CSMD1: variants seen among roughly 807,000 people sequenced by gnomAD.
CSMD1 encodes CUB and sushi domain-containing protein 1.
Under a neutral mutation model 417.5 loss-of-function variants are expected in CSMD1, and 213 were observed. That is an observed-to-expected ratio of 0.51 (90% CI 0.46 to 0.57). The LOEUF is 0.57. Among genes scored for constraint, CSMD1 ranks in the 20% least tolerant of loss-of-function variants. The probability of loss-of-function intolerance (pLI) is 0.00; values close to 1 mark genes in which losing one functional copy is unlikely to be tolerated. For synonymous variants in CSMD1, 2,862 were observed against 1,736.8 expected (o/e 1.65, Z -16.11); for missense variants, 6,923 against 4,529.7 (o/e 1.53, Z -15.17).
chr8:3,506,063 C>T (rs775303279), intron 10 of CSMD1, among the ~76,000 whole-genome samples: 7 of 152,134 alleles, frequency 4.6e-5, no homozygotes, highest in Non-Finnish European at 1.0e-4. Context: ...CAAGTTCCTC[C>T]TGGGGTTGAG....
chr8:3,566,628 G>C (rs1047897482), intron 10 of CSMD1, among the ~76,000 whole-genome samples: 1 of 151,858 alleles, frequency 6.6e-6, no homozygotes, highest in Non-Finnish European at 1.5e-5. Context: ...GATATGAACA[G>C]ACACTTTTCA....
At chr8:3,368,903 T>C (rs1809774239) in intron 19 of CSMD1, among the ~76,000 whole-genome samples, 1 of 152,230 alleles carries the variant, frequency 6.6e-6, no homozygotes, top group South Asian at 2.1e-4. Context: ...AGATATATCA[T>C]GAAATTGGAA....
At chr8:4,455,489 G>A (rs982740395) in intron 2 of CSMD1, among the ~76,000 whole-genome samples, 1 of 152,136 alleles carries the variant, frequency 6.6e-6, no homozygotes, top group Non-Finnish European at 1.5e-5. Context: ...AAGAATAGAG[G>A]AAGCTGGTTT....
intron 6 of CSMD1, among the ~76,000 whole-genome samples, chr8:3,731,445 T>G (rs113117375): frequency 6.6e-6 from 1 of 152,194 alleles, no homozygotes; most frequent in African/African-American, 2.4e-5. Flanking sequence ...TGATAATGAC[T>G]ACCAGTTTTA....
intron 5 of CSMD1, among the ~76,000 whole-genome samples, chr8:3,938,525 C>T (rs1476649024): frequency 6.6e-6 from 1 of 152,104 alleles, no homozygotes. Flanking sequence ...TGGACAGACT[C>T]TGTTGGGGGA....
At chr8:4,676,962 C>G (rs1805726107) in intron 1 of CSMD1, among the ~76,000 whole-genome samples, 1 of 144,074 alleles carries the variant, frequency 6.9e-6, no homozygotes, top group South Asian at 2.2e-4. Context: ...ATATATCTAT[C>G]ATATATAATA....
chr8:4,251,818 G>GGAGGAGAGATGGAA (rs1247413810), intron 3 of CSMD1, among the ~76,000 whole-genome samples: 31 of 151,002 alleles, frequency 2.1e-4, no homozygotes, highest in Admixed American at 3.3e-4. Flanking sequence ...GACAGATGGA[G>GGAGGAGAGATGGAA]GAGGAGAGAT....
chr8:4,052,017 C>T (rs951396722), intron 3 of CSMD1, among the ~76,000 whole-genome samples: 1 of 151,850 alleles, frequency 6.6e-6, no homozygotes, highest in Non-Finnish European at 1.5e-5. Context: ...CCTCTGTCTC[C>T]CTGTCATATA....
chr8:3,226,213 G>A (rs62502955), intron 27 of CSMD1, among the ~76,000 whole-genome samples: 68,097 of 152,030 alleles, frequency 0.45, 16,023 homozygotes, highest in Admixed American at 0.56. Context: ...AGAGTGTTTT[G>A]CAATTTGGAC....
At chr8:4,871,071 C>A (rs923640662) in intron 1 of CSMD1, among the ~76,000 whole-genome samples, 1 of 152,110 alleles carries the variant, frequency 6.6e-6, no homozygotes, top group Admixed American at 6.5e-5. Flanking sequence ...GAGGCAGTTG[C>A]AACAGCTCTG....
rs34652555 is a variant in CSMD1 at position 3,190,030 on chromosome 8, G to T, written c.5280C>A (p.Gly1760=). The change falls in exon 34 of 70, where the codon GGC becomes GGA. Residue 1760 remains glycine (G), a synonymous_variant. Coordinates refer to ENST00000635120, the MANE Select transcript of CSMD1 (RefSeq NM_033225.6). ...GGTTGCACTCGAATCGGACGATGGA[G>T]CCGGCAGAAAACTCAGAACCAATTC... is the stretch of plus-strand genomic sequence containing the variant. ...GRRIGSEFSA[G]SIVRFECNPG... 1 of 1,594,784 alleles carries T rather than the reference G, an allele frequency of 6.3e-7. No individual in the cohort carries two copies. Among genetic ancestry groups the T allele is most frequent in the East Asian group, 2.3e-5 (1 of 44,048 alleles).
intron 3 of CSMD1, among the ~76,000 whole-genome samples, chr8:4,201,475 T>C (rs1348170913): frequency 7.8e-6 from 1 of 128,018 alleles, no homozygotes; most frequent in Non-Finnish European, 1.5e-5. Flanking sequence ...GAGGCGGAGC[T>C]TGCAGTGAGC....
intron 4 of CSMD1, among the ~76,000 whole-genome samples, chr8:4,025,254 T>C (rs146468734): frequency 7.8e-4 from 119 of 152,344 alleles, no homozygotes; most frequent in African/African-American, 2.6e-3. Context: ...AATATTTACC[T>C]GCTTCCTTTC....
intron 3 of CSMD1, among the ~76,000 whole-genome samples, chr8:4,079,817 G>A (rs1053776964): frequency 4.6e-5 from 7 of 152,064 alleles, no homozygotes; most frequent in African/African-American, 9.7e-5. Flanking sequence ...GTGACATCAC[G>A]AGAGAAAACA....
chr8:3,609,073 C>G (rs1294765097), intron 8 of CSMD1, among the ~76,000 whole-genome samples: 1 of 152,172 alleles, frequency 6.6e-6, no homozygotes, highest in Non-Finnish European at 1.5e-5. Flanking sequence ...GTGTTACAAA[C>G]TACCAAGGTC....
chr8:3,253,775 G>T (rs7816128), intron 26 of CSMD1, among the ~76,000 whole-genome samples: 11 of 152,000 alleles, frequency 7.2e-5, no homozygotes, highest in South Asian at 6.2e-4. Flanking sequence ...TGTCTCTGCA[G>T]GTGAGATGGG....
chr8:3,512,815 A>C (rs1797132420), intron 10 of CSMD1, among the ~76,000 whole-genome samples: 1 of 151,962 alleles, frequency 6.6e-6, no homozygotes, highest in African/African-American at 2.4e-5. Flanking sequence ...CATGTTGGCT[A>C]GGATGGTCTT....
At chr8:3,511,987 A>C (rs933943812) in intron 10 of CSMD1, among the ~76,000 whole-genome samples, 1 of 151,310 alleles carries the variant, frequency 6.6e-6, no homozygotes, top group Admixed American at 6.6e-5. Flanking sequence ...GTGAGGACTC[A>C]TGAGTTTACA....
chr8:4,181,620 T>C (rs1013359127), intron 3 of CSMD1, among the ~76,000 whole-genome samples: 3 of 152,218 alleles, frequency 2.0e-5, no homozygotes, highest in Admixed American at 2.0e-4. Flanking sequence ...AAAATTCATT[T>C]ATATTTACAT....
Sources: allele counts gnomAD v4.1 joint callset (sites outside exome capture counted in the v4.1 genomes callset), GRCh38; gene constraint gnomAD v4.1.1; transcripts MANE v1.5; gene names NCBI Gene and HGNC (gene_info 2026-07-23, HGNC 2026-07-21).